Variants in RNGTT observed in about 807,000 individuals in gnomAD.
RNGTT encodes the protein mRNA-capping enzyme.
Under a neutral mutation model 79.3 loss-of-function variants are expected in RNGTT, and 33 were observed. The ratio of observed to expected loss-of-function variants is 0.42; its 90% confidence interval spans 0.32 to 0.56. RNGTT has a LOEUF of 0.56. Ranked by LOEUF, RNGTT falls within the 20% of genes least tolerant of loss-of-function variation. The pLI is 0.17. For missense variants in RNGTT, 497 were observed against 739.1 expected (o/e 0.67, Z 3.80); for synonymous variants, 222 against 235.9 (o/e 0.94, Z 0.54).
In RNGTT at chr6:88,610,770, T is replaced by C. The variant is rs1771992998; in HGVS notation, c.*1949A>G. 6.6e-6 allele frequency: 1 copy of C among 152,242 alleles called. No homozygotes were observed. The highest frequency in any genetic ancestry group is 6.5e-5 in the Admixed American group (1 of 15,278). The allele number at this position is 152,242 out of a possible 1,614,324, so 9.4% of individuals were successfully genotyped here. A position where few individuals can be genotyped will look rare whatever the true frequency, so the allele number is the denominator to read the frequency against. ...GAGATGCTCTTTTCACGTAACTCAT[T>C]TGAAAGGTTACAATTACCATAAACA... is the stretch of plus-strand genomic sequence containing the variant. On this transcript the variant is annotated 3_prime_UTR_variant, in exon 16 of 16. Transcript: ENST00000369485.
At chr6:88,941,256 A>G in intron 1 of RNGTT, 76 bp from the exon 2 acceptor site, 1 of 1,037,044 alleles carries the variant, frequency 9.6e-7, no homozygotes. Flanking sequence ...AACAATTCTC[A>G]AATATCACCT....
intron 14 of RNGTT, among the ~76,000 whole-genome samples, chr6:88,653,690 T>G (rs1002033371): frequency 1.3e-5 from 2 of 152,210 alleles, no homozygotes; most frequent in Non-Finnish European, 2.9e-5. Context: ...AATAGTTTGA[T>G]GAACTCCATG....
At chr6:88,872,846 C>T (rs549845618) in intron 8 of RNGTT, among the ~76,000 whole-genome samples, 7 of 152,098 alleles carry the variant, frequency 4.6e-5, no homozygotes, top group African/African-American at 1.7e-4. Flanking sequence ...GATGGAGGTG[C>T]CTATTTTACA....
chr6:88,872,794 G>C (rs900142814), intron 8 of RNGTT, among the ~76,000 whole-genome samples: 1 of 152,130 alleles, frequency 6.6e-6, no homozygotes, highest in African/African-American at 2.4e-5. Context: ...GAGAAGTACT[G>C]AAAAGTGCTG....
chr6:88,733,294 G>T (rs899562244), intron 13 of RNGTT, among the ~76,000 whole-genome samples: 9 of 152,034 alleles, frequency 5.9e-5, no homozygotes, highest in Non-Finnish European at 1.0e-4. Flanking sequence ...AGCCCAGGAG[G>T]TTGAGGCTGC....
intron 14 of RNGTT, among the ~76,000 whole-genome samples, chr6:88,635,895 T>C (rs9451045): frequency 1.3e-5 from 2 of 151,742 alleles, no homozygotes; most frequent in Admixed American, 1.3e-4. Flanking sequence ...TATGCTACCA[T>C]GAGATCACAG....
intron 2 of RNGTT, among the ~76,000 whole-genome samples, chr6:88,932,847 TA>T (rs1192657260): frequency 1.3e-5 from 2 of 151,882 alleles, no homozygotes; most frequent in African/African-American, 4.8e-5. Flanking sequence ...AAACTGAGGC[TA>T]AAAAAAAGTA....
intron 13 of RNGTT, among the ~76,000 whole-genome samples, chr6:88,751,524 T>C (rs1015079539): frequency 6.6e-6 from 1 of 152,162 alleles, no homozygotes; most frequent in Non-Finnish European, 1.5e-5. Flanking sequence ...AAAGGCCACA[T>C]TACCTGGACT....
chr6:88,799,721 AAAG>A (rs1779722557), intron 12 of RNGTT, among the ~76,000 whole-genome samples: 1 of 151,322 alleles, frequency 6.6e-6, no homozygotes, highest in South Asian at 2.1e-4. Context: ...AAAAAAAAAA[AAAG>A]TATGGTTACT....
chr6:88,742,656 T>G (rs1363868258), intron 13 of RNGTT, among the ~76,000 whole-genome samples: 1 of 152,156 alleles, frequency 6.6e-6, no homozygotes, highest in Non-Finnish European at 1.5e-5. Context: ...TTGGAAGAGT[T>G]AGTCCCAGGT....
intron 13 of RNGTT, among the ~76,000 whole-genome samples, chr6:88,699,020 T>C (rs1582349119): frequency 6.6e-6 from 1 of 152,208 alleles, no homozygotes; most frequent in African/African-American, 2.4e-5. Context: ...CTAGGATCAC[T>C]CTTTATAAGT....
intron 8 of RNGTT, among the ~76,000 whole-genome samples, chr6:88,884,546 A>G (rs1295312528): frequency 6.6e-6 from 1 of 152,190 alleles, no homozygotes; most frequent in Non-Finnish European, 1.5e-5. Context: ...GAATGAAAAG[A>G]TAAGAGAAAG....
chr6:88,902,681 T>G (rs946823049), intron 6 of RNGTT, among the ~76,000 whole-genome samples: 1 of 147,452 alleles, frequency 6.8e-6, no homozygotes, highest in Non-Finnish European at 1.5e-5. Context: ...AAAAGATGTA[T>G]AGTGAAATCT....
intron 14 of RNGTT, among the ~76,000 whole-genome samples, chr6:88,675,828 A>T (rs1774852919): frequency 6.6e-6 from 1 of 152,216 alleles, no homozygotes; most frequent in Non-Finnish European, 1.5e-5. Flanking sequence ...CTTTTATAAT[A>T]GCATAAAAAA....
intron 8 of RNGTT, among the ~76,000 whole-genome samples, chr6:88,872,521 T>C (rs918228122): frequency 2.6e-5 from 4 of 152,148 alleles, no homozygotes; most frequent in Non-Finnish European, 4.4e-5. Flanking sequence ...CAAAATAACT[T>C]AGAGTATCAT....
chr6:88,697,958 T>C (rs1197965482), intron 13 of RNGTT, among the ~76,000 whole-genome samples: 1 of 105,332 alleles, frequency 9.5e-6, no homozygotes, highest in Admixed American at 9.3e-5. Flanking sequence ...ATATATGATA[T>C]ATATATATGA....
intron 13 of RNGTT, among the ~76,000 whole-genome samples, chr6:88,743,031 A>G (rs910056128): frequency 6.6e-6 from 1 of 152,204 alleles, no homozygotes; most frequent in Non-Finnish European, 1.5e-5. Flanking sequence ...AAGATACGCT[A>G]TATTTCCCAA....
At chr6:88,729,295 C>T (rs1057382611) in intron 13 of RNGTT, among the ~76,000 whole-genome samples, 1 of 151,464 alleles carries the variant, frequency 6.6e-6, no homozygotes, top group African/African-American at 2.4e-5. Context: ...TATGATGGAC[C>T]TTTACTGGAC....
intron 4 of RNGTT, among the ~76,000 whole-genome samples, chr6:88,924,313 A>C (rs79795085): frequency 2.0e-5 from 3 of 152,190 alleles, no homozygotes; most frequent in Non-Finnish European, 4.4e-5. Flanking sequence ...AGCAAGTGAG[A>C]AAAATTTTTT....
Sources: allele counts gnomAD v4.1 joint callset (sites outside exome capture counted in the v4.1 genomes callset), GRCh38; gene constraint gnomAD v4.1.1; transcripts MANE v1.5; gene names NCBI Gene and HGNC (gene_info 2026-07-23, HGNC 2026-07-21).